TRPM3: variants seen among roughly 807,000 people sequenced by gnomAD.
TRPM3 encodes long transient receptor potential channel 3.
In TRPM3, 77 loss-of-function variants were observed where a neutral mutation model predicts 181.2. The ratio of observed to expected loss-of-function variants is 0.42; its 90% CI spans 0.35 to 0.51. TRPM3 has a LOEUF of 0.51. Among genes scored for constraint, TRPM3 ranks in the 20% least tolerant of loss-of-function variants. The pLI is 0.01. For synonymous variants in TRPM3, 745 were observed against 796.4 expected, an observed-to-expected ratio of 0.94 and a Z score of 1.09; for missense variants, 1,759 against 2,196.7, an observed-to-expected ratio of 0.80 and a Z score of 3.98.
intron 8 of TRPM3, among the ~76,000 whole-genome samples, chr9:70,745,413 C>G (rs552606499): frequency 6.6e-6 from 1 of 152,076 alleles, no homozygotes; most frequent in Non-Finnish European, 1.5e-5. Context: ...AAAACTCATA[C>G]GGAAAACATT....
At chr9:70,927,377 C>T (rs778102947) in intron 1 of TRPM3, among the ~76,000 whole-genome samples, 6 of 152,114 alleles carry the variant, frequency 3.9e-5, no homozygotes, top group African/African-American at 1.4e-4. Flanking sequence ...AATGCCATCA[C>T]GAAGCTACTG....
chr9:70,571,778 A>G (rs2052465895), intron 22 of TRPM3, among the ~76,000 whole-genome samples: 1 of 152,096 alleles, frequency 6.6e-6, no homozygotes, highest in Admixed American at 6.5e-5. Context: ...ATTTGCTATT[A>G]TTATTTTTAT....
intron 12 of TRPM3, among the ~76,000 whole-genome samples, chr9:70,630,950 T>A (rs2065728339): frequency 8.4e-6 from 1 of 118,484 alleles, no homozygotes; most frequent in Admixed American, 8.3e-5. Flanking sequence ...GTTTTTCAGA[T>A]GTCAGCTCAC....
intron 6 of TRPM3, among the ~76,000 whole-genome samples, chr9:70,814,650 G>A (rs1379079057): frequency 6.6e-6 from 1 of 152,104 alleles, no homozygotes; most frequent in Non-Finnish European, 1.5e-5. Context: ...CCTCTCTTAT[G>A]TTTCCTGACC....
intron 1 of TRPM3, among the ~76,000 whole-genome samples, chr9:71,415,052 C>G (rs2093615752): frequency 6.6e-6 from 1 of 152,024 alleles, no homozygotes; most frequent in African/African-American, 2.4e-5. Context: ...TCTGAGTGGG[C>G]TGTAAAAGCA....
intron 1 of TRPM3, among the ~76,000 whole-genome samples, chr9:70,947,722 G>A (rs79888300): frequency 0.011 from 1,632 of 152,208 alleles, 24 homozygotes; most frequent in African/African-American, 0.036. Flanking sequence ...TGACAGCAAC[G>A]TGCTTTCAAG....
intron 1 of TRPM3, among the ~76,000 whole-genome samples, chr9:71,279,897 G>C (rs2084561031): frequency 6.6e-6 from 1 of 152,084 alleles, no homozygotes; most frequent in Non-Finnish European, 1.5e-5. Context: ...GACCAACATG[G>C]TGAAACCCCA....
chr9:70,985,743 C>G (rs891552977), intron 1 of TRPM3, among the ~76,000 whole-genome samples: 3 of 152,076 alleles, frequency 2.0e-5, no homozygotes, highest in African/African-American at 7.2e-5. Flanking sequence ...TGCACTCATG[C>G]AATCTATGAT....
At chr9:70,839,782 G>A (rs2094531115) in intron 5 of TRPM3, among the ~76,000 whole-genome samples, 4 of 151,966 alleles carry the variant, frequency 2.6e-5, no homozygotes, top group Admixed American at 2.6e-4. Flanking sequence ...TTCAAATGAT[G>A]GCATTTTGAT....
intron 9 of TRPM3, among the ~76,000 whole-genome samples, chr9:70,670,901 G>A (rs1006878817): frequency 6.6e-6 from 1 of 152,114 alleles, no homozygotes; most frequent in African/African-American, 2.4e-5. Context: ...GCACACAGAG[G>A]TTAGATAACT....
At chr9:70,602,601 A>T (rs1029143691) in intron 20 of TRPM3, among the ~76,000 whole-genome samples, 1 of 152,206 alleles carries the variant, frequency 6.6e-6, no homozygotes. Flanking sequence ...TCCCTGATGA[A>T]ATAGGAGCTT....
chr9:71,106,729 T>C (rs997427960), intron 1 of TRPM3, among the ~76,000 whole-genome samples: 2 of 152,228 alleles, frequency 1.3e-5, no homozygotes, highest in African/African-American at 4.8e-5. Context: ...GCCATAGCTC[T>C]TGTTTACTAT....
At chr9:70,556,776 T>G (rs1486469093) in intron 22 of TRPM3, among the ~76,000 whole-genome samples, 2 of 152,198 alleles carry the variant, frequency 1.3e-5, no homozygotes, top group African/African-American at 4.8e-5. Flanking sequence ...ATGATCTGAC[T>G]TTAGCTTTGT....
At chr9:71,190,576 A>C (rs758230804) in intron 1 of TRPM3, among the ~76,000 whole-genome samples, 1 of 151,948 alleles carries the variant, frequency 6.6e-6, no homozygotes, top group African/African-American at 2.4e-5. Flanking sequence ...GATTAAGAGT[A>C]GGATAAAGGG....
intron 1 of TRPM3, among the ~76,000 whole-genome samples, chr9:71,229,541 A>G (rs920951602): frequency 6.6e-6 from 1 of 152,200 alleles, no homozygotes; most frequent in Non-Finnish European, 1.5e-5. Flanking sequence ...GAATGTGAGG[A>G]AATATTTGCA....
At chr9:71,047,883 C>T (rs1041073403) in intron 1 of TRPM3, among the ~76,000 whole-genome samples, 13 of 150,468 alleles carry the variant, frequency 8.6e-5, no homozygotes, top group Admixed American at 2.6e-4. Context: ...AAATGAAAAA[C>T]GGTATGGTAA....
chr9:70,818,181 A>G (rs537690746), intron 6 of TRPM3, among the ~76,000 whole-genome samples: 5 of 152,240 alleles, frequency 3.3e-5, no homozygotes, highest in Non-Finnish European at 7.3e-5. Flanking sequence ...GGTTTTTACT[A>G]TATAGTCCAG....
At chr9:70,649,158 T>C (rs1025192073) in intron 9 of TRPM3, among the ~76,000 whole-genome samples, 1 of 151,280 alleles carries the variant, frequency 6.6e-6, no homozygotes, top group Non-Finnish European at 1.5e-5. Context: ...AAAAACAACC[T>C]CATTTAAAGA....
intron 22 of TRPM3, among the ~76,000 whole-genome samples, chr9:70,567,604 C>T (rs535875582): frequency 1.3e-5 from 2 of 152,296 alleles, no homozygotes; most frequent in African/African-American, 4.8e-5. Flanking sequence ...ACGGCATTTC[C>T]TTTGGCCAAG....
Sources: allele counts gnomAD v4.1 joint callset (sites outside exome capture counted in the v4.1 genomes callset), GRCh38; gene constraint gnomAD v4.1.1; transcripts MANE v1.5; gene names NCBI Gene and HGNC (gene_info 2026-07-23, HGNC 2026-07-21).